IARS1: variants seen among roughly 807,000 people sequenced by gnomAD.
IARS1 encodes the protein isoleucine--tRNA ligase, cytoplasmic.
A neutral mutation model predicts 168.2 loss-of-function variants in IARS1; 124 were observed. The ratio of observed to expected loss-of-function variants is 0.74; its 90% CI spans 0.64 to 0.86. The LOEUF is 0.86. IARS1 is among the 40% of genes least tolerant of loss of function. The probability of loss-of-function intolerance (pLI) is 0.00; values close to 1 mark genes in which losing one functional copy is unlikely to be tolerated. For missense variants in IARS1, 1,452 were observed against 1,515.8 expected, an observed-to-expected ratio of 0.96 and a Z score of 0.70; for synonymous variants, 532 against 529.4, an observed-to-expected ratio of 1.00 and a Z score of -0.07.
rs1309813877 is a variant in IARS1, at chr9:92,244,995, A to T, written c.2868T>A (p.Gly956=). 1 of 1,614,114 alleles carries T rather than the reference A, an allele frequency of 6.2e-7. No individual in the cohort carries two copies. ...RLMYTFDQAT[G]GTAQFEAHSD... ...AGTGTGCTTCAAATTGCGCAGTCCC[A>T]CCTGTGGCCTGATCAAAGGTGTACA... Residue 956 remains glycine (G), a synonymous_variant, in exon 27 of 34, where the codon GGT becomes GGA. Coordinates refer to ENST00000443024, the MANE Select transcript of IARS1 (RefSeq NM_002161.6).
chr9:92,241,816 C>T (rs1218405418), intron 29 of IARS1, among the ~76,000 whole-genome samples: 3 of 152,078 alleles, frequency 2.0e-5, no homozygotes, highest in African/African-American at 7.2e-5. Flanking sequence ...GTTTTTCAAG[C>T]CAATTGCTAT....
At chr9:92,268,060 T>C in intron 14 of IARS1, 114 bp downstream of exon 14, 1 of 1,123,872 alleles carries the variant, frequency 8.9e-7, no homozygotes, top group South Asian at 1.8e-5. Flanking sequence ...GGAAAAAAGA[T>C]GAAATAAGAA....
rs759327644 is a variant in IARS1, at chr9:92,250,200, G to A, written c.2519C>T (p.Thr840Ile). ...AAAATTTCAAACCTTTATGGGAATA[G>A]TTTTTCGGTCTCTGATCACTCTTCC... ...ELGRVIRDRK[T>I]IPIKYPLKEI... The change falls in exon 24 of 34, where the codon ACT (threonine) becomes ATT (isoleucine). Residue 840 changes from threonine (T) to isoleucine (I), a missense_variant. Thr to Ile is a moderately conservative substitution (Grantham distance 89). Transcript: ENST00000443024. 3.1e-6 allele frequency: 5 copies of A among 1,605,184 alleles called. No homozygotes were observed. The highest frequency in any genetic ancestry group is 3.3e-4 in the Middle Eastern group (2 of 6,074).
At position 92,250,713 on chromosome 9, in the gene IARS1, C is replaced by A. The variant is rs781397669; in HGVS notation, c.2429G>T (p.Arg810Leu). 1.2e-6 allele frequency: 2 copies of A among 1,602,022 alleles called. No individual in the cohort carries two copies. The highest frequency in any genetic ancestry group is 1.7e-5 in the Admixed American group (1 of 57,942). The stretch of plus-strand genomic sequence containing the variant: ...AGGCTTATTTCTATTTGAGTCCTAC[C>A]GAACACGGGGCAGCATGAGGTAGTG... ...SIHYLMLPRV[R>L]EELIDKKTES... Residue 810 changes from arginine (R) to leucine (L), a missense_variant and splice_region_variant, in exon 23 of 34, where the codon CGA (arginine) becomes CTA (leucine). Physicochemically the swap from Arg to Leu is moderately radical, Grantham distance 102 (BLOSUM62 -2). Transcript: ENST00000443024.
chr9:92,276,654 A>T (rs1190367360), intron 9 of IARS1, among the ~76,000 whole-genome samples: 1 of 152,242 alleles, frequency 6.6e-6, no homozygotes, highest in African/African-American at 2.4e-5. Flanking sequence ...CACACGGAAC[A>T]GAAACAACTG....
chr9:92,271,165 TA>T, intron 11 of IARS1, 89 bp from the exon 12 acceptor site: 1 of 716,862 alleles, frequency 1.4e-6, no homozygotes. Flanking sequence ...TTGTTATGAA[TA>T]AAAGGCACAA....
intron 6 of IARS1, among the ~76,000 whole-genome samples, chr9:92,284,683 T>C (rs1835159149): frequency 6.6e-6 from 1 of 151,792 alleles, no homozygotes; most frequent in Non-Finnish European, 1.5e-5. Context: ...GGCAAAGAAC[T>C]GCTTGAATCG....
At chr9:92,214,840 G>A (rs1424009077) in intron 33 of IARS1, among the ~76,000 whole-genome samples, 3 of 152,242 alleles carry the variant, frequency 2.0e-5, no homozygotes, top group Non-Finnish European at 2.9e-5. Context: ...CAGCAAGGCT[G>A]GGGGAGGGGC....
chr9:92,238,683 T>G (rs536079827), intron 30 of IARS1, among the ~76,000 whole-genome samples: 2 of 152,264 alleles, frequency 1.3e-5, no homozygotes, highest in South Asian at 4.1e-4. Flanking sequence ...TAGAGTTCCA[T>G]TTTTTATTTT....
chr9:92,228,998 T>G lies in IARS1; in HGVS notation c.3409+3A>C. The G allele has an allele frequency of 1.2e-6, 2 of 1,613,980 alleles. No homozygotes were observed. The highest frequency in any genetic ancestry group is 2.2e-5 in the South Asian group (2 of 91,028). ...ACGTAGGCTCCTCTCACTTTCCACATACCTGTTTCATCATGGAAGACAGCC... is the reference window on the plus strand; with the variant it reads ...ACGTAGGCTCCTCTCACTTTCCACAGACCTGTTTCATCATGGAAGACAGCC... On this transcript the variant is annotated splice_donor_region_variant and intron_variant, in intron 31 of 33. Transcript: ENST00000443024.
At chr9:92,290,853 A>T (rs545559992) in intron 1 of IARS1, among the ~76,000 whole-genome samples, 1 of 152,320 alleles carries the variant, frequency 6.6e-6, no homozygotes, top group East Asian at 1.9e-4. Context: ...CACATGACAG[A>T]AATCAGTTCT....
At chr9:92,290,153 T>C (rs1303579039) in intron 1 of IARS1, among the ~76,000 whole-genome samples, 1 of 152,216 alleles carries the variant, frequency 6.6e-6, no homozygotes, top group East Asian at 1.9e-4. Context: ...AAAGTGACTG[T>C]ACTATTTTAC....
intron 31 of IARS1, among the ~76,000 whole-genome samples, chr9:92,224,919 T>C (rs1449218453): frequency 2.6e-5 from 4 of 152,156 alleles, no homozygotes; most frequent in Admixed American, 6.5e-5. Context: ...GCCCAATGGA[T>C]TGATGAACAA....
At chr9:92,215,149 C>T (rs909938272) in intron 33 of IARS1, among the ~76,000 whole-genome samples, 22 of 152,204 alleles carry the variant, frequency 1.4e-4, no homozygotes, top group African/African-American at 5.1e-4. Context: ...GAGGCACCCC[C>T]CAGCAGGGGC....
rs550177773 is a variant in IARS1 at position 92,230,051 on chromosome 9, G to A, written c.3284-925C>T. On this transcript the variant is annotated intron_variant, in intron 30 of 33. Coordinates refer to ENST00000443024, the MANE Select transcript of IARS1 (RefSeq NM_002161.6). ...TCTTATCATTTAAAACATGTTATGT[G>A]AATGCAATCATACAGTATGGAACCT... is the stretch of plus-strand genomic sequence containing the variant. Among the ~76,000 whole-genome samples the A allele has an allele frequency of 4.6e-5, 7 of 151,910 alleles. No homozygotes were observed. In the South Asian group the frequency reaches 1.5e-3, roughly 32 times the overall value.
rs1587881009 is a variant in IARS1 at position 92,280,992 on chromosome 9, G to A, written c.598-99C>T. On this transcript the variant is annotated intron_variant, in intron 6 of 33. Coordinates refer to ENST00000443024, the MANE Select transcript of IARS1 (RefSeq NM_002161.6). ...TAAAGAGGAATAAAATAAATCTTCA[G>A]GGTAAACCGAAGAAACCACTTACCA... The A allele has an allele frequency of 2.4e-5, 18 of 755,188 alleles. No homozygotes were observed. In the East Asian group the frequency reaches 3.9e-4, roughly 16 times the overall value. The allele number at this position is 755,188 out of a possible 1,614,324, so 46.8% of individuals were successfully genotyped here. A position where few individuals can be genotyped will look rare whatever the true frequency, so the allele number is the denominator to read the frequency against.
intron 16 of IARS1, 118 bp downstream of exon 16, chr9:92,264,811 T>C: frequency 1.1e-6 from 1 of 875,950 alleles, no homozygotes; most frequent in East Asian, 2.7e-5. Flanking sequence ...GAATGTAGCC[T>C]GTCTTATTTG....
intron 21 of IARS1, 68 bp downstream of exon 21, chr9:92,253,294 T>G (rs1830271233): frequency 9.6e-6 from 9 of 941,572 alleles, no homozygotes; most frequent in Non-Finnish European, 1.6e-5. Flanking sequence ...CTTCTGGCTA[T>G]TCTCATATTT....
chr9:92,210,970 G>T, intron 33 of IARS1, 81 bp from the exon 34 acceptor site: 2 of 878,866 alleles, frequency 2.3e-6, no homozygotes, highest in Non-Finnish European at 1.9e-6. Flanking sequence ...TTAACTGCTT[G>T]TGTAGTAAGG....
Sources: allele counts gnomAD v4.1 joint callset (sites outside exome capture counted in the v4.1 genomes callset), GRCh38; gene constraint gnomAD v4.1.1; transcripts MANE v1.5; gene names NCBI Gene and HGNC (gene_info 2026-07-23, HGNC 2026-07-21).